Variants in CACNA2D2 observed in about 807,000 individuals in gnomAD.
CACNA2D2 encodes the protein voltage-dependent calcium channel subunit alpha-2/delta-2.
CACNA2D2 carries 48 observed loss-of-function variants against 166.4 expected under a neutral mutation model. The observed-to-expected ratio is 0.29, with a 90% CI of 0.23 to 0.37. CACNA2D2 has a LOEUF of 0.37. Ranked by LOEUF, CACNA2D2 falls within the 10% of genes least tolerant of loss-of-function variation. The pLI, the probability that CACNA2D2 is intolerant of heterozygous loss-of-function variation, is 1.00. For missense variants in CACNA2D2, 1,122 were observed against 1,433.0 expected, an observed-to-expected ratio of 0.78 and a Z score of 3.50; for synonymous variants, 561 against 573.7, an observed-to-expected ratio of 0.98 and a Z score of 0.32.
At chr3:50,435,826 G>A (rs1708295466) in intron 2 of CACNA2D2, among the ~76,000 whole-genome samples, 1 of 152,174 alleles carries the variant, frequency 6.6e-6, no homozygotes, top group Non-Finnish European at 1.5e-5. Context: ...AATTTGTGGT[G>A]AAGTCGCTCC....
chr3:50,495,462 G>T (rs1698688389), intron 1 of CACNA2D2, among the ~76,000 whole-genome samples: 1 of 152,210 alleles, frequency 6.6e-6, no homozygotes, highest in Admixed American at 6.5e-5. Context: ...AGCTACTGGG[G>T]CCAGGGCCCA....
chr3:50,464,684 C>G (rs1378861276), intron 2 of CACNA2D2, among the ~76,000 whole-genome samples: 2 of 152,176 alleles, frequency 1.3e-5, no homozygotes, highest in African/African-American at 4.8e-5. Context: ...CTGCTTTGCC[C>G]CTAGAAGGCT....
chr3:50,476,199 C>T lies in CACNA2D2; in HGVS notation c.207G>A (p.Thr69=). The change falls in exon 2 of 38, where the codon ACG becomes ACA. Residue 69 remains threonine, a splice_region_variant and synonymous_variant. Transcript: ENST00000424201. ...ASAYSFPQQH[T]MQHWARRLEQ... ...CCAGACGCCGGGCCCAGTGCTGCAT[C>T]CTGTATGCAGAGAGAGGAGAGAGGT... 1 of 1,585,830 alleles carries T rather than the reference C, an allele frequency of 6.3e-7. No homozygotes were observed. Among genetic ancestry groups the T allele is most frequent in the Non-Finnish European group, 8.6e-7 (1 of 1,166,854 alleles).
chr3:50,437,448 T>G (rs765046201), intron 2 of CACNA2D2, among the ~76,000 whole-genome samples: 2 of 152,328 alleles, frequency 1.3e-5, no homozygotes, highest in African/African-American at 4.8e-5. Context: ...GGGCTGGTCA[T>G]GCTGCCAGCC....
chr3:50,427,480 G>A lies in CACNA2D2; in HGVS notation c.405+6833C>T, dbSNP rs1559937139. 6.6e-6 allele frequency among the ~76,000 whole-genome samples: 1 copy of A among 152,254 alleles called. No homozygotes were observed. Among genetic ancestry groups the A allele is most frequent in the South Asian group, 2.1e-4 (1 of 4,834 alleles). On this transcript the variant is annotated intron_variant, in intron 3 of 37. Coordinates refer to ENST00000424201, the MANE Select transcript of CACNA2D2 (RefSeq NM_006030.4). This position sits in a 1 kb window ranked among gnomAD's most constrained non-coding sequence, Gnocchi z 4.7. ...GGCTGCTTGGGCGCTTGGCGCCCAC[G>A]CGTGCGCCTAATTGGCTCCACGTGT...
intron 3 of CACNA2D2, among the ~76,000 whole-genome samples, chr3:50,430,492 T>C (rs945735190): frequency 2.0e-5 from 3 of 152,118 alleles, no homozygotes; most frequent in Non-Finnish European, 4.4e-5. Flanking sequence ...CCTTATTTCA[T>C]AGGGGGAGAA....
At chr3:50,459,014 A>G (rs1232031118) in intron 2 of CACNA2D2, among the ~76,000 whole-genome samples, 1 of 152,250 alleles carries the variant, frequency 6.6e-6, no homozygotes, top group Non-Finnish European at 1.5e-5. Context: ...TGCAGGGGAC[A>G]GGGCCAGAGC....
intron 4 of CACNA2D2, 36 bp from the exon 5 acceptor site, chr3:50,387,648 C>T: frequency 1.9e-6 from 3 of 1,568,408 alleles, no homozygotes; most frequent in Non-Finnish European, 2.6e-6. Context: ...ACTAGCTGCT[C>T]AGGGTCCCGA....
At chr3:50,456,332 G>C (rs780320437) in intron 2 of CACNA2D2, among the ~76,000 whole-genome samples, 2 of 152,204 alleles carry the variant, frequency 1.3e-5, no homozygotes, top group Non-Finnish European at 2.9e-5. Context: ...GAGTGGGGGA[G>C]GGGAGAGGCT....
chr3:50,391,885 G>T (rs1705909616), intron 4 of CACNA2D2, among the ~76,000 whole-genome samples: 1 of 152,216 alleles, frequency 6.6e-6, no homozygotes. Flanking sequence ...TCAGAGGTAA[G>T]AAGACTGCTG....
chr3:50,434,802 G>A (rs1436098318), intron 2 of CACNA2D2, among the ~76,000 whole-genome samples: 1 of 152,312 alleles, frequency 6.6e-6, no homozygotes, highest in Non-Finnish European at 1.5e-5. Context: ...TGGAGAGGAG[G>A]CAGGAGGTTG....
chr3:50,435,137 GT>G (rs1708252533), intron 2 of CACNA2D2, among the ~76,000 whole-genome samples: 1 of 150,870 alleles, frequency 6.6e-6, no homozygotes, highest in African/African-American at 2.4e-5. Flanking sequence ...ATCTGAGGGT[GT>G]GTGTGTGTGT....
At chr3:50,382,233 T>C (rs1485812369) in intron 6 of CACNA2D2, among the ~76,000 whole-genome samples, 2 of 152,172 alleles carry the variant, frequency 1.3e-5, no homozygotes, top group Non-Finnish European at 2.9e-5. Context: ...GCCAGGCCTC[T>C]GTGCCTCCTT....
intron 4 of CACNA2D2, among the ~76,000 whole-genome samples, chr3:50,393,783 G>T (rs1353286232): frequency 6.6e-6 from 1 of 152,196 alleles, no homozygotes; most frequent in East Asian, 1.9e-4. Context: ...GACAAGTCCT[G>T]AAGTCCAAAG....
rs1297524865 is a variant in CACNA2D2 at position 50,366,197 on chromosome 3, G to A, written c.2710-34C>T. ...GTCAGGAGAAAGCCATGGTCACAGG[G>A]CTGGCAGTGCTACACCCCTAGAAGG... On this transcript the variant is annotated intron_variant, in intron 31 of 37. Coordinates refer to ENST00000424201, the MANE Select transcript of CACNA2D2 (RefSeq NM_006030.4). This position sits in a 1 kb window ranked among gnomAD's most constrained non-coding sequence, Gnocchi z 5.9. The A allele has an allele frequency of 1.2e-6, 2 of 1,613,956 alleles. No individual in the cohort carries two copies. The highest frequency in any genetic ancestry group is 1.7e-6 in the Non-Finnish European group (2 of 1,179,908).
intron 4 of CACNA2D2, among the ~76,000 whole-genome samples, chr3:50,392,132 G>T (rs527544789): frequency 1.3e-5 from 2 of 152,256 alleles, no homozygotes; most frequent in East Asian, 3.9e-4. Context: ...AAGGTCATTG[G>T]AAGGATGTGG....
intron 2 of CACNA2D2, among the ~76,000 whole-genome samples, chr3:50,435,313 G>A (rs773804836): frequency 3.3e-5 from 5 of 150,830 alleles, no homozygotes; most frequent in East Asian, 1.9e-4. Context: ...GTGCGTGTGC[G>A]TGTGTGTGTG....
chr3:50,489,547 T>C (rs1698434431), intron 1 of CACNA2D2, among the ~76,000 whole-genome samples: 1 of 143,614 alleles, frequency 7.0e-6, no homozygotes, highest in African/African-American at 2.6e-5. Flanking sequence ...TAGGAGGCAC[T>C]GCCCAGGGGA....
rs1286864910 is a variant in CACNA2D2, at chr3:50,379,267, C to T, written c.1153-68G>A. 5.8e-5 allele frequency: 85 copies of T among 1,476,740 alleles called. No homozygotes were observed. The highest frequency in any genetic ancestry group is 4.0e-4 in the South Asian group (35 of 87,254). 91.5% of individuals were successfully genotyped at this position (1,476,740 alleles called of 1,614,324 possible). On this transcript the variant is annotated intron_variant, in intron 11 of 37. Transcript: ENST00000424201. This position sits in a 1 kb window ranked among gnomAD's most constrained non-coding sequence, Gnocchi z 6.5. ...TGGTCCAGGGGCAGGGCCTCCCTCCCGCAGTGGGCCTGGACCTCTGGCCCT... is the reference window on the plus strand; with the variant it reads ...TGGTCCAGGGGCAGGGCCTCCCTCCTGCAGTGGGCCTGGACCTCTGGCCCT...
Sources: allele counts gnomAD v4.1 joint callset (sites outside exome capture counted in the v4.1 genomes callset), GRCh38; gene constraint gnomAD v4.1.1; non-coding constraint Gnocchi (gnomAD v3.1); transcripts MANE v1.5; gene names NCBI Gene and HGNC (gene_info 2026-07-23, HGNC 2026-07-21).